The following MIB1 variants were observed in gnomAD, a reference collection of about 807,000 sequenced individuals.
MIB1 encodes the protein E3 ubiquitin-protein ligase MIB1.
Under a neutral mutation model 124.5 loss-of-function variants are expected in MIB1, and 278 were observed. The ratio of observed to expected loss-of-function variants is 2.23; its 90% CI spans 2.02 to 2.47. The LOEUF is 2.47. MIB1 is among the 30% of genes most tolerant of loss of function. The pLI, the probability that MIB1 is intolerant of heterozygous loss-of-function variation, is 0.00. For synonymous variants in MIB1, 446 were observed against 429.4 expected (o/e 1.04, Z -0.48); for missense variants, 957 against 1,254.4 (o/e 0.76, Z 3.58).
intron 1 of MIB1, among the ~76,000 whole-genome samples, chr18:21,731,365 T>A (rs749102081): frequency 4.6e-5 from 7 of 152,230 alleles, no homozygotes; most frequent in Non-Finnish European, 7.3e-5. Flanking sequence ...TATTCTATTG[T>A]ATGACTATAC....
intron 10 of MIB1, among the ~76,000 whole-genome samples, chr18:21,814,972 C>G (rs2041811827): frequency 7.8e-6 from 1 of 127,516 alleles, no homozygotes; most frequent in Admixed American, 8.6e-5. Context: ...ACCATCATGG[C>G]TGATAAATGA....
At chr18:21,804,123 G>T in intron 10 of MIB1, 109 bp downstream of exon 10, 2 of 760,766 alleles carry the variant, frequency 2.6e-6, no homozygotes, top group East Asian at 2.7e-5. Flanking sequence ...TCCAACTAAG[G>T]CTTTTCTGAT....
Position 21,843,211 on chromosome 18 carries a change from T to G in MIB1, c.2043T>G (p.Ile681Met). ...HLAVERQHTQ[I>M]VRLLVRAGAK... ...CTGTTGAACGACAGCATACCCAGAT[T>G]GTTAGGGTAAAGTATTGACATACAT... The change falls in exon 14 of 21, where the codon ATT becomes ATG. Residue 681 changes from isoleucine to methionine, a missense_variant. Ile to Met is a conservative substitution (Grantham distance 10, BLOSUM62 1). Transcript: ENST00000261537. 2 of 1,582,910 alleles carry G rather than the reference T, an allele frequency of 1.3e-6. No homozygotes were observed. Among genetic ancestry groups the G allele is most frequent in the South Asian group, 2.4e-5 (2 of 84,324 alleles).
At chr18:21,795,847 T>C (rs2041572704) in intron 7 of MIB1, among the ~76,000 whole-genome samples, 1 of 152,162 alleles carries the variant, frequency 6.6e-6, no homozygotes, top group African/African-American at 2.4e-5. Flanking sequence ...AGCGTTGATA[T>C]TGTTATTCCG....
intron 10 of MIB1, among the ~76,000 whole-genome samples, chr18:21,813,111 C>T (rs1034398131): frequency 4.0e-5 from 6 of 151,262 alleles, no homozygotes; most frequent in Non-Finnish European, 7.4e-5. Context: ...AAATTATTGA[C>T]AGCCTGCATT....
chr18:21,855,535 A>T (rs1180137080), intron 18 of MIB1, among the ~76,000 whole-genome samples: 1 of 152,256 alleles, frequency 6.6e-6, no homozygotes, highest in African/African-American at 2.4e-5. Flanking sequence ...CAAATTGAAG[A>T]CAAATCCCAA....
At chr18:21,748,356 C>T (rs1170801729) in intron 1 of MIB1, among the ~76,000 whole-genome samples, 1 of 118,450 alleles carries the variant, frequency 8.4e-6, no homozygotes, top group Non-Finnish European at 1.8e-5. Flanking sequence ...TTCCTCTCTC[C>T]CTCCCTCCCT....
intron 1 of MIB1, among the ~76,000 whole-genome samples, chr18:21,759,493 G>A (rs952961508): frequency 2.0e-5 from 3 of 151,862 alleles, no homozygotes; most frequent in Admixed American, 1.3e-4. Flanking sequence ...CGCCTGCCTC[G>A]GCCTCCTAAA....
chr18:21,751,934 A>C (rs1274626544), intron 1 of MIB1, among the ~76,000 whole-genome samples: 1 of 152,236 alleles, frequency 6.6e-6, no homozygotes, highest in Non-Finnish European at 1.5e-5. Flanking sequence ...AACTTAATGT[A>C]ATACCACTGT....
intron 10 of MIB1, among the ~76,000 whole-genome samples, chr18:21,805,655 A>G (rs1313261205): frequency 6.6e-6 from 1 of 152,138 alleles, no homozygotes; most frequent in African/African-American, 2.4e-5. Flanking sequence ...CTGAAAAACC[A>G]AAGTCCTTCT....
intron 2 of MIB1, among the ~76,000 whole-genome samples, chr18:21,766,988 G>A (rs928692039): frequency 1.3e-5 from 2 of 152,022 alleles, no homozygotes; most frequent in African/African-American, 4.8e-5. Context: ...AGAACAATAG[G>A]GATACATGGT....
At chr18:21,739,210 A>G (rs1038415881), upstream of MIB1, among the ~76,000 whole-genome samples, 1 of 152,216 alleles carries the variant, frequency 6.6e-6, no homozygotes, top group Admixed American at 6.5e-5. Flanking sequence ...ATTCCTGGAC[A>G]CATACACTCT....
chr18:21,737,698 TAGAA>T (rs1171730970), upstream of MIB1, among the ~76,000 whole-genome samples: 1 of 151,782 alleles, frequency 6.6e-6, no homozygotes, highest in African/African-American at 2.4e-5. Context: ...ACCAAGCAGA[TAGAA>T]AGCAAAAAAA....
Position 21,847,036 on chromosome 18 carries a change from T to TC in MIB1, c.2305dup (p.Arg769ProfsTer3). The TC allele has an allele frequency of 6.2e-7, 1 of 1,614,174 alleles. No homozygotes were observed. The highest frequency in any genetic ancestry group is 8.5e-7 in the Non-Finnish European group (1 of 1,180,030). ...CAGCCAATGGTGCTGACCTGAGCAT[T>TC]CGAAATAAGAAGGGTCAATCGCCAC... On this transcript the variant is annotated frameshift_variant, in exon 16 of 21. Transcript: ENST00000261537. LOFTEE classifies it high-confidence loss of function.
chr18:21,810,004 A>G (rs531931798), intron 10 of MIB1, among the ~76,000 whole-genome samples: 85 of 152,252 alleles, frequency 5.6e-4, no homozygotes, highest in Admixed American at 1.2e-3. Context: ...AAAAACTTTT[A>G]GAACAAATTT....
intron 1 of MIB1, among the ~76,000 whole-genome samples, chr18:21,749,276 A>G (rs980231442): frequency 1.3e-5 from 2 of 152,172 alleles, no homozygotes; most frequent in Non-Finnish European, 2.9e-5. Context: ...TTCTTTTTAA[A>G]TGAATATTGT....
upstream of MIB1, among the ~76,000 whole-genome samples, chr18:21,735,798 T>A (rs2040794276): frequency 6.6e-6 from 1 of 152,198 alleles, no homozygotes; most frequent in African/African-American, 2.4e-5. Context: ...AACTCAGCAA[T>A]GACACTGCAG....
At chr18:21,749,125 G>A (rs914058401) in intron 1 of MIB1, among the ~76,000 whole-genome samples, 4 of 151,744 alleles carry the variant, frequency 2.6e-5, no homozygotes, top group South Asian at 2.1e-4. Context: ...TCCACTTGAC[G>A]TGTGTTTTCT....
At chr18:21,720,913 C>T (rs2040711513) in intron 1 of MIB1, among the ~76,000 whole-genome samples, 1 of 152,082 alleles carries the variant, frequency 6.6e-6, no homozygotes, top group African/African-American at 2.4e-5. Flanking sequence ...CATGATCATG[C>T]CACTGCACTC....
Sources: gnomAD v4.1 joint callset for allele counts (sites outside exome capture counted in the v4.1 genomes callset) on GRCh38, gnomAD v4.1.1 for gene constraint, MANE v1.5 for transcripts, NCBI Gene and HGNC (gene_info 2026-07-23, HGNC 2026-07-21) for gene names.